HMCN2: variants seen among roughly 807,000 people sequenced by gnomAD.
HMCN2 encodes the protein hemicentin-2.
HMCN2 carries 325 observed loss-of-function variants against 377.5 expected under a neutral mutation model. The ratio of observed to expected loss-of-function variants is 0.86; its 90% CI spans 0.79 to 0.94. HMCN2 has a LOEUF of 0.94. Among genes scored for constraint, HMCN2 ranks in the 40% least tolerant of loss-of-function variants. HMCN2 has a pLI of 0.00. For missense variants in HMCN2, 4,543 were observed against 4,725.3 expected (o/e 0.96, Z 1.13); for synonymous variants, 2,007 against 2,046.8 (o/e 0.98, Z 0.53).
chr9:130,348,436 C>A (rs1175668220), intron 26 of HMCN2, 109 bp from the exon 27 acceptor site: 4 of 1,228,890 alleles, frequency 3.3e-6, no homozygotes, highest in Non-Finnish European at 4.2e-6. Flanking sequence ...GACAGGCAGA[C>A]CTTCTCCAAC....
intron 60 of HMCN2, 43 bp downstream of exon 60, chr9:130,385,805 A>C: frequency 4.0e-6 from 5 of 1,264,484 alleles, no homozygotes; most frequent in Non-Finnish European, 5.2e-6. Context: ...GCGCTGCAGG[A>C]AAGTCGCCTC....
At position 130,348,679 on chromosome 9, in the gene HMCN2, G is replaced by C; in HGVS notation, c.4155+4G>C. ...GTGGCTGAAGGACGCGCAGCTGGTG[G>C]GTGTCCCCCTAGGGTGGGCGGGGTA... On this transcript the variant is annotated splice_donor_region_variant and intron_variant, in intron 27 of 97. Coordinates refer to ENST00000683500, the MANE Select transcript of HMCN2 (RefSeq NM_001291815.2). 7.7e-7 allele frequency: 1 copy of C among 1,304,162 alleles called. No homozygotes were observed. The highest frequency in any genetic ancestry group is 2.1e-4 in the Middle Eastern group (1 of 4,694). The allele number at this position is 1,304,162 out of a possible 1,614,324, so 80.8% of individuals were successfully genotyped here.
At chr9:130,390,193 G>A (rs567268761) in intron 62 of HMCN2, among the ~76,000 whole-genome samples, 1 of 152,274 alleles carries the variant, frequency 6.6e-6, no homozygotes, top group South Asian at 2.1e-4. Context: ...CCCCCCGGCT[G>A]ACTACTGCTC....
chr9:130,394,475 C>A lies in HMCN2; in HGVS notation c.10592C>A (p.Thr3531Asn). The change falls in exon 69 of 98, where the codon ACC becomes AAC. Residue 3531 changes from threonine (T) to asparagine (N), a missense_variant. Around this residue, in one of 5 missense-constraint regions of HMCN2, gnomAD observed 1,073 missense variants for 1,319.5 expected, o/e 0.81. Coordinates refer to ENST00000683500, the MANE Select transcript of HMCN2 (RefSeq NM_001291815.2). The surrounding 1 kb of genome is among the most constrained non-coding windows in gnomAD (Gnocchi z 5.1). ...PMELLCDAQGTPQPNITWHKD... is the reference protein window; with the variant it reads ...PMELLCDAQGNPQPNITWHKD... ...GAGCTCCTCTGTGATGCCCAGGGCA[C>A]CCCCCAGCCCAACATCACCTGGCAT... 1 of 1,289,318 alleles carries A rather than the reference C, an allele frequency of 7.8e-7. No individual in the cohort carries two copies. 79.9% of individuals were successfully genotyped at this position (1,289,318 alleles called of 1,614,324 possible).
chr9:130,372,199 T>C (rs1841060248), intron 46 of HMCN2, 95 bp from the exon 47 acceptor site: 1 of 252,636 alleles, frequency 4.0e-6, no homozygotes, highest in South Asian at 1.5e-4. Context: ...ACACGCCTAA[T>C]TATAATGCCT....
chr9:130,403,709 C>G, intron 79 of HMCN2, 32 bp from the exon 80 acceptor site: 2 of 1,286,142 alleles, frequency 1.6e-6, no homozygotes, highest in Non-Finnish European at 2.0e-6. Flanking sequence ...GTCCCAGTTC[C>G]CAGGCCCCCG....
At chr9:130,425,656 T>TCCCCCCCCCC in intron 89 of HMCN2, 31 bp from the exon 90 acceptor site, 2 of 330,036 alleles carry the variant, frequency 6.1e-6, no homozygotes, top group Non-Finnish European at 5.6e-6. Context: ...CCCCCACCCC[T>TCCCCCCCCCC]CCTCCTCCTC....
Position 130,433,640 on chromosome 9 carries a change from C to G in HMCN2, c.15187C>G (p.Arg5063Gly). 6.6e-7 allele frequency: 1 copy of G among 1,519,238 alleles called. No individual in the cohort carries two copies. The highest frequency in any genetic ancestry group is 2.7e-5 in the East Asian group (1 of 36,746). The allele number at this position is 1,519,238 out of a possible 1,614,324, so 94.1% of individuals were successfully genotyped here. ...YRLTVRAAAPRHQSVFVLLIA... is the reference protein window; with the variant it reads ...YRLTVRAAAPGHQSVFVLLIA... ...GCTCACCGTGCGTGCTGCGGCACCG[C>G]GCCACCAAAGCGTCTTCGTCTTGCT... Residue 5063 changes from arginine to glycine, a missense_variant, in exon 98 of 98, where the codon CGC becomes GGC. Around this residue, in one of 5 missense-constraint regions of HMCN2, gnomAD observed 1,155 missense variants for 1,157.7 expected, o/e 1.00. Coordinates refer to ENST00000683500, the MANE Select transcript of HMCN2 (RefSeq NM_001291815.2).
intron 87 of HMCN2, among the ~76,000 whole-genome samples, chr9:130,424,168 TA>T (rs34857379): frequency 0.18 from 21,380 of 117,986 alleles, 1,778 homozygotes; most frequent in East Asian, 0.35. Context: ...TATATATATA[TA>T]TTTTTTTTTT....
At chr9:130,430,862 GGCA>G in intron 95 of HMCN2, 1 of 519,646 alleles carries the variant, frequency 1.9e-6, no homozygotes, top group Non-Finnish European at 3.4e-6. Flanking sequence ...CCAGAGGGAG[GGCA>G]TCCTAGGCAA....
At chr9:130,346,887 T>C (rs1839420586) in intron 25 of HMCN2, among the ~76,000 whole-genome samples, 1 of 152,022 alleles carries the variant, frequency 6.6e-6, no homozygotes, top group African/African-American at 2.4e-5. Context: ...ACTGGGGACT[T>C]GCTGTGAAGA....
In HMCN2 at chr9:130,299,252, C is replaced by T. The variant is rs1207798863; in HGVS notation, c.1240C>T (p.Arg414Cys). The change falls in exon 8 of 98, where the codon CGT (arginine) becomes TGT (cysteine). Residue 414 changes from arginine to cysteine, a missense_variant. By Grantham distance (180) the Arg-to-Cys change is radical. Coordinates refer to ENST00000683500, the MANE Select transcript of HMCN2 (RefSeq NM_001291815.2). ...GKDHEGNPLL[R>C]VSGVSYSGVA... ...GGACCATGAGGGAAACCCCCTCCTT[C>T]GTGTCTCTGGAGTGTCCTACAGTGG... The T allele has an allele frequency of 1.9e-5, 9 of 470,680 alleles. No homozygotes were observed. Among genetic ancestry groups the T allele is most frequent in the Admixed American group, 7.1e-5 (3 of 42,514 alleles). 29.2% of individuals were successfully genotyped at this position (470,680 alleles called of 1,614,324 possible).
chr9:130,333,260 G>A (rs1464959686), intron 22 of HMCN2, among the ~76,000 whole-genome samples: 3 of 152,312 alleles, frequency 2.0e-5, no homozygotes, highest in East Asian at 3.9e-4. Flanking sequence ...GAGTGGCATG[G>A]GAAGCATGTA....
intron 19 of HMCN2, among the ~76,000 whole-genome samples, chr9:130,322,344 A>ATCTG (rs1186817571): frequency 4.1e-5 from 2 of 48,412 alleles, no homozygotes; most frequent in East Asian, 4.7e-4. Flanking sequence ...CTATCTATCC[A>ATCTG]TCTATCTATC....
chr9:130,358,417 G>A lies in HMCN2; in HGVS notation c.5608G>A (p.Gly1870Ser), dbSNP rs1449071601. The change falls in exon 36 of 98, where the codon GGC becomes AGC. Residue 1870 changes from glycine to serine, a missense_variant. Physicochemically the swap from Gly to Ser is moderately conservative, Grantham distance 56. Coordinates refer to ENST00000683500, the MANE Select transcript of HMCN2 (RefSeq NM_001291815.2). ...TGAGAAGGTGGACCTGAGGGACGAG[G>A]GCATCTACACTTGTGCTGCTACCAA... is the stretch of plus-strand genomic sequence containing the variant. ...QIEKVDLRDEGIYTCAATNLA... is the reference protein window; with the variant it reads ...QIEKVDLRDESIYTCAATNLA... The A allele has an allele frequency of 7.7e-7, 1 of 1,304,192 alleles. No homozygotes were observed. The highest frequency in any genetic ancestry group is 1.5e-5 in the African/African-American group (1 of 65,860). 80.8% of individuals were successfully genotyped at this position (1,304,192 alleles called of 1,614,324 possible).
chr9:130,371,414 GA>G (rs10659347), intron 46 of HMCN2, among the ~76,000 whole-genome samples: 23 of 147,080 alleles, frequency 1.6e-4, no homozygotes, highest in Admixed American at 5.4e-4. Context: ...AAGTCCTGCA[GA>G]AAAAAAAAAA....
At chr9:130,376,100 A>G (rs1197159958) in intron 51 of HMCN2, 111 bp downstream of exon 51, 4 of 238,532 alleles carry the variant, frequency 1.7e-5, no homozygotes, top group Non-Finnish European at 2.7e-5. Flanking sequence ...CATGTGGCAT[A>G]TGTCCTCTGA....
chr9:130,305,972 G>C (rs1474953752), intron 11 of HMCN2, among the ~76,000 whole-genome samples, 157 bp from the exon 12 acceptor site: 3 of 152,242 alleles, frequency 2.0e-5, no homozygotes, highest in Non-Finnish European at 4.4e-5. Flanking sequence ...AATTCCCAGA[G>C]AAGCCACACC....
intron 89 of HMCN2, 49 bp from the exon 90 acceptor site, chr9:130,425,638 C>G: frequency 3.1e-6 from 3 of 982,900 alleles, no homozygotes; most frequent in Non-Finnish European, 4.6e-6. Flanking sequence ...TGACCCCTTT[C>G]TCCCTCTCCC....
Sources: allele counts gnomAD v4.1 joint callset (sites outside exome capture counted in the v4.1 genomes callset), GRCh38; gene constraint gnomAD v4.1.1; regional missense constraint gnomAD v4.1.1; non-coding constraint Gnocchi (gnomAD v3.1); transcripts MANE v1.5; gene names NCBI Gene and HGNC (gene_info 2026-07-23, HGNC 2026-07-21).